COL6A6: variants seen among roughly 807,000 people sequenced by gnomAD.
COL6A6 encodes collagen alpha-6(VI) chain.
COL6A6 carries 183 observed loss-of-function variants against 208.6 expected under a neutral mutation model. The ratio of observed to expected loss-of-function variants is 0.88; its 90% CI spans 0.78 to 0.99. The LOEUF is 0.99. COL6A6 is among the 50% of genes least tolerant of loss of function. COL6A6 has a pLI of 0.00. For synonymous variants in COL6A6, 973 were observed against 1,011.8 expected (o/e 0.96, Z 0.73); for missense variants, 2,816 against 2,815.2 (o/e 1.00, Z -0.01).
Position 130,565,679 on chromosome 3 carries a change from T to C in COL6A6, c.1282+65T>C. Reference sequence around the variant, plus strand: ...TTTTTCTTCTCTTTCAAATATTCTGTATACAAAGTGGATTGGCTTGGGAAG... The same window carrying C: ...TTTTTCTTCTCTTTCAAATATTCTGCATACAAAGTGGATTGGCTTGGGAAG... On this transcript the variant is annotated intron_variant, in intron 4 of 36. Transcript: ENST00000358511. The C allele has an allele frequency of 2.7e-6, 4 of 1,484,160 alleles. No homozygotes were observed. In the South Asian group the frequency reaches 4.2e-5, roughly 16 times the overall value. The allele number at this position is 1,484,160 out of a possible 1,614,324, so 91.9% of individuals were successfully genotyped here. A position where few individuals can be genotyped will look rare whatever the true frequency, so the allele number is the denominator to read the frequency against.
intron 1 of COL6A6, among the ~76,000 whole-genome samples, chr3:130,518,883 T>C (rs2107654132): frequency 6.6e-6 from 1 of 152,284 alleles, no homozygotes; most frequent in Middle Eastern, 3.4e-3. Context: ...GTGTTTTGGA[T>C]GTTGTGCCAT....
At chr3:130,522,513 A>AT (rs1384212386) in intron 1 of COL6A6, among the ~76,000 whole-genome samples, 4 of 152,166 alleles carry the variant, frequency 2.6e-5, no homozygotes, top group Admixed American at 2.6e-4. Flanking sequence ...TCCCCTCCAC[A>AT]GGTTGGGTCA....
chr3:130,561,841 A>G (rs2107856982), intron 2 of COL6A6, among the ~76,000 whole-genome samples: 1 of 150,696 alleles, frequency 6.6e-6, no homozygotes, highest in South Asian at 2.1e-4. Context: ...TTTAGTAGAG[A>G]CGGGGTTTCA....
At chr3:130,518,401 T>C (rs1257170581) in intron 1 of COL6A6, among the ~76,000 whole-genome samples, 4 of 152,262 alleles carry the variant, frequency 2.6e-5, no homozygotes, top group Non-Finnish European at 5.9e-5. Flanking sequence ...TTGTTCAGTG[T>C]CTTCATAGAG....
chr3:130,584,662 T>C (rs1486332818), intron 10 of COL6A6, among the ~76,000 whole-genome samples: 1 of 152,124 alleles, frequency 6.6e-6, no homozygotes, highest in East Asian at 1.9e-4. Context: ...TTGCCCAGGT[T>C]GGAGTGCAGT....
intron 28 of COL6A6, among the ~76,000 whole-genome samples, chr3:130,638,872 A>G (rs2065229752): frequency 1.3e-5 from 2 of 152,086 alleles, no homozygotes; most frequent in Admixed American, 1.3e-4. Flanking sequence ...CTCTGTCTGC[A>G]GTGTTTTGAT....
At chr3:130,571,496 A>T (rs2063166508) in intron 7 of COL6A6, 103 bp downstream of exon 7, 4 of 762,786 alleles carry the variant, frequency 5.2e-6, no homozygotes, top group South Asian at 2.0e-5. Context: ...GAGAGGAGAG[A>T]AGGAGCTCTA....
chr3:130,581,927 G>A (rs977436568), intron 9 of COL6A6, 23 bp downstream of exon 9: 1 of 1,595,536 alleles, frequency 6.3e-7, no homozygotes, highest in African/African-American at 1.3e-5. Flanking sequence ...TATCTTATTT[G>A]TTGGTCTATG....
At chr3:130,528,884 G>T (rs1402683623) in intron 1 of COL6A6, among the ~76,000 whole-genome samples, 1 of 152,198 alleles carries the variant, frequency 6.6e-6, no homozygotes. Context: ...AAGGTCGGAA[G>T]ATCGAAACCA....
At chr3:130,586,859 A>G (rs1348424307) in intron 11 of COL6A6, among the ~76,000 whole-genome samples, 199 bp downstream of exon 11, 1 of 152,208 alleles carries the variant, frequency 6.6e-6, no homozygotes, top group Non-Finnish European at 1.5e-5. Context: ...AGCATGTTTA[A>G]TTTATACACT....
intron 26 of COL6A6, 113 bp downstream of exon 26, chr3:130,627,482 T>C: frequency 1.2e-6 from 1 of 834,458 alleles, no homozygotes; most frequent in East Asian, 2.5e-5. Flanking sequence ...CTTGGACAGT[T>C]AGAAATATAT....
At chr3:130,560,290 C>A in intron 1 of COL6A6, 44 bp from the exon 2 acceptor site, 2 of 1,279,022 alleles carry the variant, frequency 1.6e-6, no homozygotes, top group Non-Finnish European at 1.1e-6. Flanking sequence ...TCTTAATTCC[C>A]AAATAATATC....
intron 1 of COL6A6, among the ~76,000 whole-genome samples, chr3:130,533,907 T>A (rs1294000605): frequency 6.6e-6 from 1 of 152,226 alleles, no homozygotes; most frequent in Non-Finnish European, 1.5e-5. Context: ...ATTCATTTAA[T>A]GTTTGAACAA....
At chr3:130,624,297 A>G (rs999321170) in intron 24 of COL6A6, among the ~76,000 whole-genome samples, 1 of 152,162 alleles carries the variant, frequency 6.6e-6, no homozygotes, top group African/African-American at 2.4e-5. Context: ...TAGATGATTA[A>G]CGGAGAAATT....
intron 1 of COL6A6, among the ~76,000 whole-genome samples, chr3:130,529,287 TAAAAAA>T (rs563804664): frequency 1.0e-5 from 1 of 98,560 alleles, no homozygotes; most frequent in East Asian, 2.9e-4. Context: ...GCAGGAAATG[TAAAAAA>T]AAAAAAAAAA....
At chr3:130,623,287 GTC>G (rs2064791679) in intron 24 of COL6A6, among the ~76,000 whole-genome samples, 1 of 152,060 alleles carries the variant, frequency 6.6e-6, no homozygotes, top group African/African-American at 2.4e-5. Flanking sequence ...GTGAAACCCT[GTC>G]TCTACTAAAA....
At chr3:130,601,646 A>G (rs1227563000) in intron 20 of COL6A6, among the ~76,000 whole-genome samples, 1 of 152,218 alleles carries the variant, frequency 6.6e-6, no homozygotes, top group African/African-American at 2.4e-5. Flanking sequence ...CACCACTCCC[A>G]TGAAATATGA....
intron 1 of COL6A6, among the ~76,000 whole-genome samples, chr3:130,546,685 C>T (rs2062508008): frequency 6.6e-6 from 1 of 152,154 alleles, no homozygotes; most frequent in African/African-American, 2.4e-5. Flanking sequence ...CATAAAAGTT[C>T]TCCAAGTCGT....
At chr3:130,580,951 A>G (rs141824339) in intron 8 of COL6A6, among the ~76,000 whole-genome samples, 6 of 151,806 alleles carry the variant, frequency 4.0e-5, no homozygotes, top group African/African-American at 1.2e-4. Context: ...CAGTTTCTTC[A>G]TTTGTCAGAC....
Sources: gnomAD v4.1 joint callset for allele counts (sites outside exome capture counted in the v4.1 genomes callset) on GRCh38, gnomAD v4.1.1 for gene constraint, MANE v1.5 for transcripts, NCBI Gene and HGNC (gene_info 2026-07-23, HGNC 2026-07-21) for gene names.